The following EPHB1 variants were observed in gnomAD, a reference collection of about 807,000 sequenced individuals.
The protein encoded by EPHB1 is EPH receptor B1, also known as ephrin type-B receptor 1.
EPHB1 carries 30 observed loss-of-function variants against 94.4 expected under a neutral mutation model. The observed-to-expected ratio is 0.32, with a 90% CI of 0.24 to 0.43. The LOEUF is 0.43. Ranked by LOEUF, EPHB1 falls within the 20% of genes least tolerant of loss-of-function variation. The pLI, the probability that EPHB1 is intolerant of heterozygous loss-of-function variation, is 1.00. For synonymous variants in EPHB1, 522 were observed against 489.1 expected (o/e 1.07, Z -0.89); for missense variants, 1,055 against 1,308.3 (o/e 0.81, Z 2.99).
intron 4 of EPHB1, among the ~76,000 whole-genome samples, chr3:135,131,919 A>C (rs1253432996): frequency 6.6e-6 from 1 of 152,190 alleles, no homozygotes; most frequent in Non-Finnish European, 1.5e-5. Flanking sequence ...TTACAGAGCT[A>C]TGCGATCTAT....
intron 1 of EPHB1, among the ~76,000 whole-genome samples, chr3:134,853,895 A>G (rs2037048146): frequency 6.6e-6 from 1 of 152,206 alleles, no homozygotes; most frequent in South Asian, 2.1e-4. Flanking sequence ...GTCCTCATCC[A>G]GGACAGAGAG....
At chr3:134,830,321 A>G (rs2036558917) in intron 1 of EPHB1, among the ~76,000 whole-genome samples, 1 of 152,244 alleles carries the variant, frequency 6.6e-6, no homozygotes, top group South Asian at 2.1e-4. Flanking sequence ...TAACACACAT[A>G]CAATATTATT....
chr3:135,001,075 A>G (rs1245035126), intron 3 of EPHB1, among the ~76,000 whole-genome samples: 1 of 152,058 alleles, frequency 6.6e-6, no homozygotes, highest in Admixed American at 6.6e-5. Flanking sequence ...CTGGAGGAGG[A>G]GGGTGTCAGA....
intron 4 of EPHB1, among the ~76,000 whole-genome samples, chr3:135,116,069 C>T (rs900133598): frequency 6.6e-6 from 1 of 152,072 alleles, no homozygotes; most frequent in African/African-American, 2.4e-5. Context: ...GAAAAATTAG[C>T]CAGGCATGGT....
intron 3 of EPHB1, among the ~76,000 whole-genome samples, chr3:135,024,870 T>G (rs1936094402): frequency 6.6e-6 from 1 of 152,154 alleles, no homozygotes; most frequent in African/African-American, 2.4e-5. Context: ...CCTTTATCAA[T>G]GCTGAGGATT....
At chr3:134,973,432 T>C (rs1356365722) in intron 3 of EPHB1, among the ~76,000 whole-genome samples, 1 of 142,174 alleles carries the variant, frequency 7.0e-6, no homozygotes, top group African/African-American at 2.7e-5. Flanking sequence ...AGTCTTTTTT[T>C]TTTTTTTTTT....
chr3:135,216,885 T>C (rs537409423), intron 12 of EPHB1, among the ~76,000 whole-genome samples: 2 of 152,282 alleles, frequency 1.3e-5, no homozygotes, highest in Admixed American at 1.3e-4. Context: ...CAAAGAGGAC[T>C]TTCTTGCATC....
rs758623729 is a variant in EPHB1 at position 134,990,439 on chromosome 3, A to T, written c.805+38387A>T. Among the ~76,000 whole-genome samples the T allele has an allele frequency of 3.2e-4, 49 of 152,128 alleles. 1 individual carries two copies. Among genetic ancestry groups the T allele is most frequent in the Non-Finnish European group, 1.2e-4 (8 of 68,024 alleles). On this transcript the variant is annotated intron_variant, in intron 3 of 15. Coordinates refer to ENST00000398015, the MANE Select transcript of EPHB1 (RefSeq NM_004441.5). The stretch of plus-strand genomic sequence containing the variant: ...TTTGGATAGAGCCTCTAACTTAGGG[A>T]TGCTAGTAATCCTCCATATACTATT...
Position 135,154,205 on chromosome 3 carries a change from A to C in EPHB1, c.1351A>C (p.Thr451Pro). The C allele has an allele frequency of 1.2e-6, 2 of 1,613,874 alleles. No homozygotes were observed. Among genetic ancestry groups the C allele is most frequent in the Non-Finnish European group, 1.7e-6 (2 of 1,179,828 alleles). ...AGTCAGTGCCACTATGAGGAGCATC[A>C]CCTTGTCATGGCCACAGCCGGAGCA... ...HQVSATMRSI[T>P]LSWPQPEQPN... The change falls in exon 6 of 16, where the codon ACC becomes CCC. Residue 451 changes from threonine to proline, a missense_variant. Thr to Pro is a conservative substitution (Grantham distance 38). Coordinates refer to ENST00000398015, the MANE Select transcript of EPHB1 (RefSeq NM_004441.5).
At chr3:135,179,465 T>C (rs1380209078) in intron 9 of EPHB1, among the ~76,000 whole-genome samples, 1 of 152,178 alleles carries the variant, frequency 6.6e-6, no homozygotes, top group Non-Finnish European at 1.5e-5. Flanking sequence ...AGTTGTCAAG[T>C]TGATAAATAT....
At chr3:134,811,793 G>C (rs1184215586) in intron 1 of EPHB1, among the ~76,000 whole-genome samples, 1 of 152,198 alleles carries the variant, frequency 6.6e-6, no homozygotes, top group East Asian at 1.9e-4. Context: ...GCTCAGCTTT[G>C]CACCATCTAT....
intron 3 of EPHB1, among the ~76,000 whole-genome samples, chr3:135,096,524 GTC>G (rs934426526): frequency 3.9e-5 from 6 of 152,284 alleles, no homozygotes; most frequent in Admixed American, 3.9e-4. Context: ...GATGCTATTT[GTC>G]TTAGTTCAAG....
chr3:135,233,334 T>G (rs1943577125), intron 12 of EPHB1, among the ~76,000 whole-genome samples: 1 of 152,212 alleles, frequency 6.6e-6, no homozygotes, highest in African/African-American at 2.4e-5. Context: ...CCCATGCAAG[T>G]CCAAAATCCA....
intron 1 of EPHB1, among the ~76,000 whole-genome samples, chr3:134,878,563 GCTTC>G (rs2037663735): frequency 6.6e-6 from 1 of 152,180 alleles, no homozygotes; most frequent in Non-Finnish European, 1.5e-5. Context: ...CTCTGCTATG[GCTTC>G]CTTGGCTTCC....
chr3:135,131,201 C>T (rs58889058), intron 4 of EPHB1, among the ~76,000 whole-genome samples: 6,504 of 152,280 alleles, frequency 0.043, 456 homozygotes, highest in African/African-American at 0.14. Context: ...CGTGCATGAA[C>T]GCTGTGCTTT....
chr3:135,217,829 T>C (rs370048644), intron 12 of EPHB1, among the ~76,000 whole-genome samples: 157 of 152,334 alleles, frequency 1.0e-3, no homozygotes, highest in African/African-American at 1.6e-3. Flanking sequence ...GTCTGCACTT[T>C]GCTGCACCAC....
intron 3 of EPHB1, among the ~76,000 whole-genome samples, chr3:134,974,838 T>G (rs1420261412): frequency 1.5e-5 from 2 of 136,894 alleles, no homozygotes; most frequent in African/African-American, 5.9e-5. Flanking sequence ...CGTGGCAGCA[T>G]TTTCCTGTTT....
chr3:134,896,861 G>A (rs2038095680), intron 1 of EPHB1, among the ~76,000 whole-genome samples: 1 of 152,252 alleles, frequency 6.6e-6, no homozygotes, highest in Non-Finnish European at 1.5e-5. Context: ...CAAGCGAGTG[G>A]AGGTTGGCGA....
intron 4 of EPHB1, among the ~76,000 whole-genome samples, chr3:135,116,491 ACCAAGC>A (rs1939717728): frequency 2.0e-5 from 3 of 152,140 alleles, no homozygotes; most frequent in Non-Finnish European, 4.4e-5. Context: ...TTGGCCAGAG[ACCAAGC>A]CCAAATTTCA....
Sources: allele counts gnomAD v4.1 joint callset (sites outside exome capture counted in the v4.1 genomes callset), GRCh38; gene constraint gnomAD v4.1.1; transcripts MANE v1.5; gene names NCBI Gene and HGNC (gene_info 2026-07-23, HGNC 2026-07-21).